COL13A1: variants seen among roughly 807,000 people sequenced by gnomAD.
The protein encoded by COL13A1 is collagen alpha-1(XIII) chain.
COL13A1 carries 89 observed loss-of-function variants against 130.9 expected under a neutral mutation model. That is an observed-to-expected ratio of 0.68 (90% CI 0.57 to 0.81). The LOEUF is 0.81. Ranked by LOEUF, COL13A1 falls within the 30% of genes least tolerant of loss-of-function variation. COL13A1 has a pLI of 0.00. For missense variants in COL13A1, 879 were observed against 934.6 expected (o/e 0.94, Z 0.78); for synonymous variants, 402 against 341.6 (o/e 1.18, Z -1.95).
chr10:69,868,575 T>C (rs1335273341), intron 3 of COL13A1, among the ~76,000 whole-genome samples: 1 of 152,284 alleles, frequency 6.6e-6, no homozygotes, highest in East Asian at 1.9e-4. Flanking sequence ...GAGATAGGAA[T>C]TGAAAGGGCC....
chr10:69,932,119 G>A (rs1029335750), intron 30 of COL13A1, among the ~76,000 whole-genome samples: 1 of 152,002 alleles, frequency 6.6e-6, no homozygotes, highest in Non-Finnish European at 1.5e-5. Flanking sequence ...CCAGCAGTAG[G>A]GTCTCTCTAG....
intron 2 of COL13A1, among the ~76,000 whole-genome samples, chr10:69,846,195 G>C (rs1193653764): frequency 6.6e-6 from 1 of 152,246 alleles, no homozygotes; most frequent in African/African-American, 2.4e-5. Context: ...CCTAGAAGAA[G>C]AGCAGCCCAG....
At chr10:69,820,897 C>G (rs1845909733) in intron 1 of COL13A1, among the ~76,000 whole-genome samples, 1 of 152,212 alleles carries the variant, frequency 6.6e-6, no homozygotes, top group Admixed American at 6.5e-5. Context: ...GCAAATCACT[C>G]TACTTGCTCT....
chr10:69,924,656 C>T (rs1216278874), intron 24 of COL13A1, among the ~76,000 whole-genome samples: 1 of 152,090 alleles, frequency 6.6e-6, no homozygotes, highest in Non-Finnish European at 1.5e-5. Context: ...GTCCCTGCTC[C>T]AATGGAGGCA....
In COL13A1 at chr10:69,880,553, T is replaced by G; in HGVS notation, c.513T>G (p.Pro171=). Residue 171 remains proline, a splice_region_variant and synonymous_variant, in exon 7 of 41, where the codon CCT becomes CCG. Coordinates refer to ENST00000645393, the MANE Select transcript of COL13A1 (RefSeq NM_001368882.1). ...CCATCATTGGTCCCCGCGGCCCCCC[T>G]GTAAGTTGTTTTTGCTCTTCCTCGG... ...GLSIIGPRGP[P]GQPGTRGFPG... 1 of 1,613,158 alleles carries G rather than the reference T, an allele frequency of 6.2e-7. No homozygotes were observed. Among genetic ancestry groups the G allele is most frequent in the South Asian group, 1.1e-5 (1 of 91,020 alleles).
At chr10:69,839,537 A>T (rs1025807263) in intron 2 of COL13A1, among the ~76,000 whole-genome samples, 2 of 152,238 alleles carry the variant, frequency 1.3e-5, no homozygotes, top group African/African-American at 4.8e-5. Flanking sequence ...CATCTGAATG[A>T]CAAGGGGAGC....
chr10:69,932,530 C>G (rs1188190275), intron 30 of COL13A1, 30 bp from the exon 31 acceptor site: 2 of 1,585,228 alleles, frequency 1.3e-6, no homozygotes, highest in East Asian at 4.5e-5. Context: ...CAAGGGCTGG[C>G]ATTCATGCAG....
In COL13A1 at chr10:69,947,338, A is replaced by G. The variant is rs905555584; in HGVS notation, c.2054A>G (p.Asn685Ser). Residue 685 changes from asparagine to serine, a missense_variant, in exon 38 of 41, where the codon AAC becomes AGC. Asn to Ser is a conservative substitution (Grantham distance 46). Coordinates refer to ENST00000645393, the MANE Select transcript of COL13A1 (RefSeq NM_001368882.1). ...CATGGACCACCCGGGGACAAGGGAA[A>G]CCGGGTGAGTCTGAGCCCCTGCACT... Reference protein sequence around the residue: ...GLHGPPGDKGNRGERGKKGSR... With the variant: ...GLHGPPGDKGSRGERGKKGSR... 7 of 1,612,626 alleles carry G rather than the reference A, an allele frequency of 4.3e-6. No individual in the cohort carries two copies. In the African/African-American group the frequency reaches 5.3e-5, roughly 12 times the overall value.
At chr10:69,898,066 GC>G (rs1373765402) in intron 13 of COL13A1, among the ~76,000 whole-genome samples, 1 of 152,162 alleles carries the variant, frequency 6.6e-6, no homozygotes, top group Non-Finnish European at 1.5e-5. Context: ...GCCCACGCTG[GC>G]CTCACCCTCA....
At position 69,894,802 on chromosome 10, in the gene COL13A1, T is replaced by C. The variant is rs115388202; in HGVS notation, c.657+101T>C. 1,844 of 1,507,324 alleles carry C rather than the reference T, an allele frequency of 1.2e-3. 18 individuals are homozygous for C. In the African/African-American group the frequency reaches 0.021, roughly 18 times the overall value. 93.4% of individuals were successfully genotyped at this position (1,507,324 alleles called of 1,614,324 possible). A position where few individuals can be genotyped will look rare whatever the true frequency, so the allele number is the denominator to read the frequency against. On this transcript the variant is annotated intron_variant, in intron 12 of 40. Coordinates refer to ENST00000645393, the MANE Select transcript of COL13A1 (RefSeq NM_001368882.1). ...GGTTATTTTCAAACTTCAGTTTTAA[T>C]TGACAGAACCAGGAAAGCCCCCGAG... is the stretch of plus-strand genomic sequence containing the variant.
chr10:69,924,538 C>A (rs150815915), intron 24 of COL13A1, among the ~76,000 whole-genome samples: 2 of 151,574 alleles, frequency 1.3e-5, no homozygotes, highest in Non-Finnish European at 2.9e-5. Context: ...GTAGAGTAGG[C>A]AGCAAAAGAA....
At chr10:69,868,594 G>A (rs1047923822) in intron 3 of COL13A1, among the ~76,000 whole-genome samples, 13 of 152,196 alleles carry the variant, frequency 8.5e-5, no homozygotes, top group African/African-American at 2.2e-4. Context: ...CCCAGCCCTC[G>A]CATCAGATCT....
chr10:69,944,498 A>T (rs949597707), intron 36 of COL13A1, among the ~76,000 whole-genome samples: 18 of 152,118 alleles, frequency 1.2e-4, no homozygotes, highest in East Asian at 5.8e-4. Flanking sequence ...TCTACAAAAA[A>T]TTTTTTTAAA....
intron 3 of COL13A1, among the ~76,000 whole-genome samples, chr10:69,868,184 C>T (rs2058715077): frequency 6.6e-6 from 1 of 151,922 alleles, no homozygotes; most frequent in African/African-American, 2.4e-5. Flanking sequence ...CTCAGTTCTG[C>T]CCCTTGAAAG....
intron 34 of COL13A1, among the ~76,000 whole-genome samples, chr10:69,940,434 G>A (rs143635306): frequency 0.016 from 2,435 of 152,278 alleles, 37 homozygotes; most frequent in Middle Eastern, 0.044. Flanking sequence ...CAGGGTGAAG[G>A]ATAAGCAGAA....
intron 1 of COL13A1, among the ~76,000 whole-genome samples, 158 bp from the exon 2 acceptor site, chr10:69,822,211 C>T (rs1262646414): frequency 2.0e-5 from 3 of 152,174 alleles, no homozygotes; most frequent in Non-Finnish European, 2.9e-5. Flanking sequence ...CCCAGATGCC[C>T]GGTGGCCAGT....
intron 31 of COL13A1, among the ~76,000 whole-genome samples, chr10:69,934,168 CT>C (rs2066521737): frequency 6.6e-6 from 1 of 151,846 alleles, no homozygotes. Context: ...TCTTTTTATT[CT>C]TTTTATTATT....
At chr10:69,832,587 G>A (rs1849079352) in intron 2 of COL13A1, among the ~76,000 whole-genome samples, 1 of 152,184 alleles carries the variant, frequency 6.6e-6, no homozygotes, top group African/African-American at 2.4e-5. Context: ...TTTTGTAGAA[G>A]GTAGACCTTG....
At chr10:69,947,719 G>A (rs1165705200) in intron 38 of COL13A1, among the ~76,000 whole-genome samples, 3 of 152,190 alleles carry the variant, frequency 2.0e-5, no homozygotes, top group Non-Finnish European at 4.4e-5. Flanking sequence ...GTTTTGCCAG[G>A]CATTCCAGGC....
Sources: gnomAD v4.1 joint callset for allele counts (sites outside exome capture counted in the v4.1 genomes callset) on GRCh38, gnomAD v4.1.1 for gene constraint, MANE v1.5 for transcripts, NCBI Gene and HGNC (gene_info 2026-07-23, HGNC 2026-07-21) for gene names.